Variants in SLC4A4 observed in about 807,000 individuals in gnomAD.
The protein encoded by SLC4A4 is electrogenic sodium bicarbonate cotransporter 1.
A neutral mutation model predicts 111.5 loss-of-function variants in SLC4A4; 27 were observed. The observed-to-expected ratio is 0.24, with a 90% confidence interval of 0.18 to 0.33. The LOEUF (loss-of-function observed/expected upper bound fraction) is 0.33. Ranked by LOEUF, SLC4A4 falls within the 10% of genes least tolerant of loss-of-function variation. SLC4A4 has a pLI of 1.00. For synonymous variants in SLC4A4, 443 were observed against 463.4 expected, an observed-to-expected ratio of 0.96 and a Z score of 0.57; for missense variants, 909 against 1,315.5, an observed-to-expected ratio of 0.69 and a Z score of 4.78.
intron 2 of SLC4A4, among the ~76,000 whole-genome samples, chr4:71,102,554 A>G (rs1742784279): frequency 6.6e-6 from 1 of 152,218 alleles, no homozygotes; most frequent in South Asian, 2.1e-4. Flanking sequence ...AAAGCCCATC[A>G]GACTAACAGC....
intron 1 of SLC4A4, among the ~76,000 whole-genome samples, chr4:71,195,971 A>G (rs1251967538): frequency 6.6e-6 from 1 of 152,220 alleles, no homozygotes; most frequent in African/African-American, 2.4e-5. Flanking sequence ...CCTGAAAGTG[A>G]TATTTGGTGA....
intron 15 of SLC4A4, among the ~76,000 whole-genome samples, chr4:71,494,238 G>A (rs143897627): frequency 1.2e-4 from 19 of 152,118 alleles, no homozygotes; most frequent in African/African-American, 2.9e-4. Flanking sequence ...TACACGCATC[G>A]TAAGGAAAAC....
intron 12 of SLC4A4, among the ~76,000 whole-genome samples, chr4:71,455,651 T>G (rs1166412486): frequency 6.6e-6 from 1 of 152,156 alleles, no homozygotes; most frequent in Non-Finnish European, 1.5e-5. Flanking sequence ...TATAGAGACT[T>G]TCTTGTGTTG....
At chr4:71,468,867 C>T (rs1264686528) in intron 13 of SLC4A4, among the ~76,000 whole-genome samples, 1 of 151,918 alleles carries the variant, frequency 6.6e-6, no homozygotes, top group Non-Finnish European at 1.5e-5. Flanking sequence ...AACTATTTTA[C>T]TTTGTCTTGC....
At chr4:71,237,206 T>G (rs1719873067) in intron 2 of SLC4A4, among the ~76,000 whole-genome samples, 1 of 152,206 alleles carries the variant, frequency 6.6e-6, no homozygotes, top group Non-Finnish European at 1.5e-5. Context: ...TGTTTCCTAG[T>G]GCCTGTTAAA....
intron 6 of SLC4A4, among the ~76,000 whole-genome samples, chr4:71,381,399 C>T (rs1386016372): frequency 3.9e-5 from 6 of 152,130 alleles, no homozygotes; most frequent in Non-Finnish European, 5.9e-5. Context: ...GAAAGTGGCA[C>T]TTCCTCTTAC....
At chr4:71,437,567 A>C in intron 7 of SLC4A4, 1 of 517,036 alleles carries the variant, frequency 1.9e-6, no homozygotes, top group Non-Finnish European at 3.9e-6. Context: ...ATTTTTATGG[A>C]AGGGCTGCCA....
chr4:71,145,116 C>G (rs148117060), intron 2 of SLC4A4, among the ~76,000 whole-genome samples: 33 of 152,212 alleles, frequency 2.2e-4, no homozygotes, highest in Middle Eastern at 3.4e-3. Context: ...TTTTGAGATA[C>G]GTCCCATCAA....
At chr4:71,533,506 G>A (rs933775526) in intron 17 of SLC4A4, among the ~76,000 whole-genome samples, 3 of 151,986 alleles carry the variant, frequency 2.0e-5, no homozygotes, top group African/African-American at 4.8e-5. Flanking sequence ...AAGGAAAAGC[G>A]TAGGAAACCC....
intron 3 of SLC4A4, among the ~76,000 whole-genome samples, chr4:71,302,467 G>A (rs909310456): frequency 2.6e-5 from 4 of 152,290 alleles, no homozygotes; most frequent in Middle Eastern, 3.4e-3. Flanking sequence ...AAGGTAACAG[G>A]TATCCCTTAT....
intron 3 of SLC4A4, chr4:71,339,146 G>T (rs948116209): frequency 6.2e-7 from 1 of 1,612,364 alleles, no homozygotes. Context: ...TCCTTCTGGA[G>T]AGTGGTGGAG....
intron 3 of SLC4A4, among the ~76,000 whole-genome samples, chr4:71,328,407 G>A (rs535938025): frequency 2.6e-5 from 4 of 151,902 alleles, no homozygotes; most frequent in Admixed American, 2.0e-4. Context: ...AAACTTCCAC[G>A]CTATTCTCCA....
chr4:71,329,268 T>C (rs926223200), intron 3 of SLC4A4, among the ~76,000 whole-genome samples: 1 of 152,128 alleles, frequency 6.6e-6, no homozygotes, highest in Non-Finnish European at 1.5e-5. Flanking sequence ...CCTCTAGTTT[T>C]GTTCTTTATG....
chr4:71,162,299 G>A (rs1744635760), intron 2 of SLC4A4, among the ~76,000 whole-genome samples: 1 of 152,168 alleles, frequency 6.6e-6, no homozygotes, highest in Non-Finnish European at 1.5e-5. Flanking sequence ...ATAAGTAGGA[G>A]AGCCATGCTT....
At chr4:71,471,769 A>G (rs945907762) in intron 13 of SLC4A4, among the ~76,000 whole-genome samples, 1 of 151,898 alleles carries the variant, frequency 6.6e-6, no homozygotes, top group Non-Finnish European at 1.5e-5. Context: ...CTATTAATCA[A>G]TCAGTTGTAA....
At chr4:71,181,285 C>T (rs1745285551) in intron 2 of SLC4A4, among the ~76,000 whole-genome samples, 1 of 151,942 alleles carries the variant, frequency 6.6e-6, no homozygotes, top group South Asian at 2.1e-4. Context: ...TTACCGAGTG[C>T]AGCACACCAA....
chr4:71,278,686 T>C (rs900181771), intron 3 of SLC4A4, among the ~76,000 whole-genome samples: 5 of 152,236 alleles, frequency 3.3e-5, no homozygotes, highest in Non-Finnish European at 7.3e-5. Context: ...ATTTCCCTGA[T>C]GATTAGTGAT....
At chr4:71,268,724 T>C (rs569792743) in intron 3 of SLC4A4, among the ~76,000 whole-genome samples, 17 of 152,330 alleles carry the variant, frequency 1.1e-4, no homozygotes, top group African/African-American at 3.8e-4. Flanking sequence ...CAGAGCACTT[T>C]TTATGTTTTC....
At chr4:71,089,414 G>T (rs973008577) in intron 1 of SLC4A4, among the ~76,000 whole-genome samples, 3 of 152,060 alleles carry the variant, frequency 2.0e-5, no homozygotes, top group African/African-American at 7.3e-5. Context: ...GTCATTCTCT[G>T]TCCAGCTTTG....
Sources: allele counts gnomAD v4.1 joint callset (sites outside exome capture counted in the v4.1 genomes callset), GRCh38; gene constraint gnomAD v4.1.1; transcripts MANE v1.5; gene names NCBI Gene and HGNC (gene_info 2026-07-23, HGNC 2026-07-21).